The following VPS8 variants were observed in gnomAD, a reference collection of about 807,000 sequenced individuals.
VPS8 encodes the protein vacuolar protein sorting-associated protein 8 homolog.
Under a neutral mutation model 216.4 loss-of-function variants are expected in VPS8, and 129 were observed. The observed-to-expected ratio is 0.60, with a 90% CI of 0.52 to 0.69. The LOEUF (loss-of-function observed/expected upper bound fraction) is 0.69, where lower values mean the gene tolerates loss of function less well. Among genes scored for constraint, VPS8 ranks in the 30% least tolerant of loss-of-function variants. The probability of loss-of-function intolerance (pLI) is 0.00; values close to 1 mark genes in which losing one functional copy is unlikely to be tolerated. For synonymous variants in VPS8, 571 were observed against 565.4 expected, an observed-to-expected ratio of 1.01 and a Z score of -0.14; for missense variants, 1,531 against 1,683.5, an observed-to-expected ratio of 0.91 and a Z score of 1.59.
chr3:185,012,461 A>C (rs2110003212), intron 45 of VPS8, among the ~76,000 whole-genome samples: 1 of 151,018 alleles, frequency 6.6e-6, no homozygotes, highest in Non-Finnish European at 1.5e-5. Context: ...CATTGGACCT[A>C]ATAATATCTG....
chr3:184,951,562 A>G (rs1744709032), intron 36 of VPS8, among the ~76,000 whole-genome samples: 1 of 152,138 alleles, frequency 6.6e-6, no homozygotes, highest in Non-Finnish European at 1.5e-5. Flanking sequence ...GGTTCAGTTT[A>G]CAGAGTTATA....
chr3:185,035,198 A>C (rs1306903929), intron 46 of VPS8, among the ~76,000 whole-genome samples: 1 of 152,168 alleles, frequency 6.6e-6, no homozygotes, highest in African/African-American at 2.4e-5. Context: ...AAGAACTGAT[A>C]TCAATCCTAC....
chr3:184,918,853 G>C (rs1345694582), intron 28 of VPS8, among the ~76,000 whole-genome samples: 2 of 152,138 alleles, frequency 1.3e-5, no homozygotes, highest in Non-Finnish European at 2.9e-5. Flanking sequence ...TCCGAAGATA[G>C]AACTGAGAGA....
At chr3:184,994,743 A>G (rs1444404670) in intron 43 of VPS8, among the ~76,000 whole-genome samples, 1 of 152,248 alleles carries the variant, frequency 6.6e-6, no homozygotes, top group African/African-American at 2.4e-5. Context: ...TATTTTAAAC[A>G]TTCTGAAACA....
intron 44 of VPS8, 81 bp downstream of exon 44, chr3:184,996,582 G>A (rs1314426326): frequency 8.2e-6 from 12 of 1,461,340 alleles, no homozygotes; most frequent in Admixed American, 4.2e-5. Flanking sequence ...ATGGATACAC[G>A]GGTAGTCATT....
chr3:184,839,574 C>A, intron 6 of VPS8, 124 bp from the exon 7 acceptor site: 1 of 886,084 alleles, frequency 1.1e-6, no homozygotes, highest in Non-Finnish European at 1.7e-6. Context: ...TGAAATTCTT[C>A]TTATTTACAA....
Position 184,828,307 on chromosome 3 carries a change from T to G in VPS8, c.222+2076T>G, listed in dbSNP as rs571168193. Among the ~76,000 whole-genome samples the G allele has an allele frequency of 1.1e-4, 17 of 152,250 alleles. No homozygotes were observed. The East Asian group carries it at 3.3e-3, about 29-fold the overall frequency. ...GGTGCCCACCACCACGCCCAGCTAATTTTTATATTTTAGTAGAGACGGGGT... is the reference window on the plus strand; with the variant it reads ...GGTGCCCACCACCACGCCCAGCTAAGTTTTATATTTTAGTAGAGACGGGGT... On this transcript the variant is annotated intron_variant, in intron 3 of 47. Coordinates refer to ENST00000625842, the MANE Select transcript of VPS8 (RefSeq NM_001009921.3).
At chr3:184,979,143 T>C (rs1749780321) in intron 40 of VPS8, among the ~76,000 whole-genome samples, 1 of 152,216 alleles carries the variant, frequency 6.6e-6, no homozygotes, top group African/African-American at 2.4e-5. Flanking sequence ...TTCTGTTTTT[T>C]TAATGTTGTG....
intron 45 of VPS8, among the ~76,000 whole-genome samples, chr3:185,022,383 A>G (rs1756784941): frequency 6.6e-6 from 1 of 152,210 alleles, no homozygotes; most frequent in Admixed American, 6.5e-5. Context: ...TGTATATTTA[A>G]TGTTTTTGCT....
Position 185,051,993 on chromosome 3 carries a change from C to CAGCTCATTCCTCCACCTGT in VPS8, c.4256_4274dup (p.Thr1426AlafsTer8), listed in dbSNP as rs768257793. 8.3e-4 allele frequency: 1,346 copies of CAGCTCATTCCTCCACCTGT among 1,613,322 alleles called. 1 individual carries two copies. Among genetic ancestry groups the CAGCTCATTCCTCCACCTGT allele is most frequent in the South Asian group, 1.0e-3 (92 of 90,888 alleles). ...CTTCCAGAATGAGAACTTCCAGCTGCAGCTCATTCCTCCACCTGTGACTGA... is the reference window on the plus strand; with the variant it reads ...CTTCCAGAATGAGAACTTCCAGCTGCAGCTCATTCCTCCACCTGTAGCTCATTCCTCCACCTGTGACTGA... On this transcript the variant is annotated frameshift_variant, in exon 48 of 48. Transcript: ENST00000625842. LOFTEE classifies it high-confidence loss of function.
chr3:185,048,194 G>A (rs1713371786), intron 46 of VPS8, among the ~76,000 whole-genome samples: 1 of 152,226 alleles, frequency 6.6e-6, no homozygotes, highest in Non-Finnish European at 1.5e-5. Flanking sequence ...GTGCCAAAGA[G>A]GGATCAAGAA....
chr3:185,026,473 A>G (rs1030153101), intron 46 of VPS8, among the ~76,000 whole-genome samples: 3 of 143,744 alleles, frequency 2.1e-5, no homozygotes, highest in African/African-American at 5.2e-5. Flanking sequence ...GTGCAGTCAC[A>G]TGATCTCAGC....
At chr3:184,830,666 A>T (rs1440595083) in intron 3 of VPS8, among the ~76,000 whole-genome samples, 1 of 151,988 alleles carries the variant, frequency 6.6e-6, no homozygotes, top group African/African-American at 2.4e-5. Flanking sequence ...ATTTTCTTTA[A>T]TTATGTCCCC....
At chr3:185,018,760 T>A (rs1189486226) in intron 45 of VPS8, among the ~76,000 whole-genome samples, 1 of 152,192 alleles carries the variant, frequency 6.6e-6, no homozygotes, top group Non-Finnish European at 1.5e-5. Flanking sequence ...ATTTCCCTGT[T>A]AATCTGGGGG....
chr3:184,908,906 G>C (rs992282959), intron 25 of VPS8, among the ~76,000 whole-genome samples: 1 of 152,238 alleles, frequency 6.6e-6, no homozygotes, highest in African/African-American at 2.4e-5. Flanking sequence ...ATTGGAAAAG[G>C]CAACATTCGA....
chr3:184,907,700 G>A (rs2109029207), intron 25 of VPS8, among the ~76,000 whole-genome samples: 1 of 152,288 alleles, frequency 6.6e-6, no homozygotes, highest in East Asian at 1.9e-4. Context: ...TCTTTTTCCT[G>A]TTCATCTTCT....
chr3:184,902,140 G>A (rs1186799655), intron 25 of VPS8, among the ~76,000 whole-genome samples: 1 of 137,484 alleles, frequency 7.3e-6, no homozygotes, highest in African/African-American at 2.8e-5. Context: ...TTTTTAATTG[G>A]TGGAGATGAC....
At chr3:185,014,653 T>C (rs546617970) in intron 45 of VPS8, among the ~76,000 whole-genome samples, 3 of 152,212 alleles carry the variant, frequency 2.0e-5, no homozygotes, top group South Asian at 2.1e-4. Context: ...TTAGTAATGC[T>C]AGATTCAGTT....
chr3:184,943,395 T>C (rs1483311149), intron 36 of VPS8, among the ~76,000 whole-genome samples: 1 of 152,186 alleles, frequency 6.6e-6, no homozygotes, highest in Non-Finnish European at 1.5e-5. Flanking sequence ...CTCATTACAT[T>C]TTAGCTGTTT....
Sources: allele counts gnomAD v4.1 joint callset (sites outside exome capture counted in the v4.1 genomes callset), GRCh38; gene constraint gnomAD v4.1.1; transcripts MANE v1.5; gene names NCBI Gene and HGNC (gene_info 2026-07-23, HGNC 2026-07-21).